BMPR1B: variants seen among roughly 807,000 people sequenced by gnomAD.
The protein encoded by BMPR1B is bone morphogenetic protein receptor type-1B.
A neutral mutation model predicts 59.1 loss-of-function variants in BMPR1B; 12 were observed. The ratio of observed to expected loss-of-function variants is 0.20; its 90% CI spans 0.13 to 0.33. BMPR1B has a LOEUF of 0.33. BMPR1B is among the 10% of genes least tolerant of loss of function. The pLI is 1.00. For synonymous variants in BMPR1B, 237 were observed against 207.3 expected, an observed-to-expected ratio of 1.14 and a Z score of -1.23; for missense variants, 550 against 610.9, an observed-to-expected ratio of 0.90 and a Z score of 1.05.
intron 6 of BMPR1B, among the ~76,000 whole-genome samples, chr4:95,121,558 A>G (rs1384265832): frequency 1.3e-5 from 2 of 152,204 alleles, no homozygotes; most frequent in Non-Finnish European, 2.9e-5. Context: ...AAGTAAACAA[A>G]TAAAAAATTT....
rs1268826096 is a variant in BMPR1B at position 95,042,071 on chromosome 4, T to G, written c.-18+45937T>G. 2.0e-5 allele frequency among the ~76,000 whole-genome samples: 3 copies of G among 152,060 alleles called. 1 individual carries two copies. The highest frequency in any genetic ancestry group is 4.4e-5 in the Non-Finnish European group (3 of 68,000). ...CGGGGTTTCACTCTGTTAGCCAGGA[T>G]GGTCTCGATCTCCTGACCTCGTGAT... On this transcript the variant is annotated intron_variant, in intron 3 of 12. Transcript: ENST00000515059.
chr4:94,920,286 A>G (rs960019486), intron 2 of BMPR1B, among the ~76,000 whole-genome samples: 1 of 152,182 alleles, frequency 6.6e-6, no homozygotes, highest in Non-Finnish European at 1.5e-5. Flanking sequence ...TACAAAGAAA[A>G]TATTGCCTAG....
intron 11 of BMPR1B, 71 bp downstream of exon 11, chr4:95,148,994 T>G: frequency 6.4e-7 from 1 of 1,558,272 alleles, no homozygotes; most frequent in African/African-American, 1.4e-5. Flanking sequence ...TGATCAGAAA[T>G]CAAAGTTATC....
chr4:95,154,922 G>T lies in BMPR1B; in HGVS notation c.*249G>T. ...TTGGGTAACTTGTTCAAGATATGAT[G>T]CATGTTGCTTTCTAAGAAAGCCCTG... On this transcript the variant is annotated 3_prime_UTR_variant, in exon 13 of 13. Transcript: ENST00000515059. 1 of 475,044 alleles carries T rather than the reference G, an allele frequency of 2.1e-6. No homozygotes were observed. Among genetic ancestry groups the T allele is most frequent in the Non-Finnish European group, 3.8e-6 (1 of 263,340 alleles). 29.4% of individuals were successfully genotyped at this position (475,044 alleles called of 1,614,324 possible). A position where few individuals can be genotyped will look rare whatever the true frequency, so the allele number is the denominator to read the frequency against.
intron 3 of BMPR1B, among the ~76,000 whole-genome samples, chr4:95,076,784 TA>T (rs955547088): frequency 6.6e-6 from 1 of 151,902 alleles, no homozygotes; most frequent in Non-Finnish European, 1.5e-5. Context: ...GTGGAAACGT[TA>T]AAAAAGAAAC....
chr4:94,778,532 T>G (rs1722468502), intron 1 of BMPR1B, among the ~76,000 whole-genome samples: 1 of 152,200 alleles, frequency 6.6e-6, no homozygotes. Flanking sequence ...AATGATGTTA[T>G]GGGCTTCTTG....
At chr4:95,150,437 C>T (rs1337155618) in intron 11 of BMPR1B, among the ~76,000 whole-genome samples, 1 of 137,832 alleles carries the variant, frequency 7.3e-6, no homozygotes, top group African/African-American at 2.7e-5. Flanking sequence ...GATTGGGACC[C>T]AGTCTGTATT....
intron 3 of BMPR1B, among the ~76,000 whole-genome samples, chr4:95,088,480 G>A (rs1238496461): frequency 2.0e-5 from 3 of 152,084 alleles, no homozygotes; most frequent in African/African-American, 7.2e-5. Flanking sequence ...CATGTTCTAA[G>A]ACTGGGGCAA....
intron 3 of BMPR1B, among the ~76,000 whole-genome samples, chr4:95,018,669 AATT>A (rs1467086366): frequency 1.4e-4 from 21 of 152,178 alleles, no homozygotes; most frequent in African/African-American, 5.1e-4. Flanking sequence ...TTATTTTTGG[AATT>A]ATTATTTCAC....
chr4:94,772,621 T>G (rs1182214305), intron 1 of BMPR1B, among the ~76,000 whole-genome samples: 2 of 152,168 alleles, frequency 1.3e-5, no homozygotes, highest in African/African-American at 4.8e-5. Context: ...AAAAATGTAA[T>G]AAGATATAGT....
At chr4:94,810,207 C>T (rs894706621) in intron 1 of BMPR1B, among the ~76,000 whole-genome samples, 3 of 152,148 alleles carry the variant, frequency 2.0e-5, no homozygotes, top group South Asian at 2.1e-4. Context: ...TCAAGCCCAT[C>T]GAAGTATTTT....
chr4:95,068,336 A>C (rs933101705), intron 3 of BMPR1B, among the ~76,000 whole-genome samples: 1 of 152,186 alleles, frequency 6.6e-6, no homozygotes, highest in Non-Finnish European at 1.5e-5. Flanking sequence ...GACATGGCTC[A>C]CTGGAAAATT....
chr4:94,931,485 C>G (rs943710332), intron 2 of BMPR1B, among the ~76,000 whole-genome samples: 9 of 151,922 alleles, frequency 5.9e-5, no homozygotes, highest in African/African-American at 2.2e-4. Flanking sequence ...TCATAGGGAG[C>G]TTTGGGGGAA....
chr4:94,971,404 G>T (rs1460278612), intron 2 of BMPR1B, among the ~76,000 whole-genome samples: 1 of 152,042 alleles, frequency 6.6e-6, no homozygotes, highest in Non-Finnish European at 1.5e-5. Context: ...AAATAGTTCG[G>T]TCTCATCATC....
intron 3 of BMPR1B, among the ~76,000 whole-genome samples, chr4:95,008,230 ATGTAGAGTTATATAAACTAT>A (rs1439952653): frequency 6.6e-6 from 1 of 152,204 alleles, no homozygotes; most frequent in African/African-American, 2.4e-5. Context: ...CAGCGTGACT[ATGTAGAGTTATATAAACTAT>A]GTAAAAAGTC....
intron 3 of BMPR1B, among the ~76,000 whole-genome samples, chr4:95,038,420 A>G (rs1219090327): frequency 6.6e-6 from 1 of 152,302 alleles, no homozygotes; most frequent in African/African-American, 2.4e-5. Flanking sequence ...CACAATTCAG[A>G]AAGACATCAA....
chr4:94,950,132 G>C (rs1030593509), intron 2 of BMPR1B, among the ~76,000 whole-genome samples: 5 of 151,852 alleles, frequency 3.3e-5, no homozygotes, highest in African/African-American at 1.2e-4. Flanking sequence ...CTTTTTGATG[G>C]GGTTGTTTTT....
At chr4:95,096,728 T>TAC (rs1730402250) in intron 3 of BMPR1B, among the ~76,000 whole-genome samples, 3 of 17,874 alleles carry the variant, frequency 1.7e-4, no homozygotes, top group Non-Finnish European at 6.0e-4. Flanking sequence ...TATATAACTA[T>TAC]ATATAGTTAT....
intron 2 of BMPR1B, among the ~76,000 whole-genome samples, chr4:94,881,811 AG>A (rs1726985274): frequency 6.6e-6 from 1 of 152,152 alleles, no homozygotes; most frequent in Non-Finnish European, 1.5e-5. Flanking sequence ...CCATAAAATA[AG>A]GCTATTGGTT....
Sources: gnomAD v4.1 joint callset for allele counts (sites outside exome capture counted in the v4.1 genomes callset) on GRCh38, gnomAD v4.1.1 for gene constraint, MANE v1.5 for transcripts, NCBI Gene and HGNC (gene_info 2026-07-23, HGNC 2026-07-21) for gene names.